GYPE: variants seen among roughly 807,000 people sequenced by gnomAD.
GYPE encodes the protein glycophorin-E.
GYPE carries 8 observed loss-of-function variants against 11.6 expected under a neutral mutation model. The observed-to-expected ratio is 0.69, with a 90% CI of 0.41 to 1.25. GYPE has a LOEUF of 1.25. Ranked by LOEUF, GYPE falls within the 50% of genes most tolerant of loss-of-function variation. The pLI, the probability that GYPE is intolerant of heterozygous loss-of-function variation, is 0.01. For missense variants in GYPE, 90 were observed against 92.8 expected (o/e 0.97, Z 0.12); for synonymous variants, 28 against 29.6 (o/e 0.94, Z 0.18).
chr4:143,903,372 T>C (rs1350276017), intron 1 of GYPE, among the ~76,000 whole-genome samples: 1 of 151,436 alleles, frequency 6.6e-6, no homozygotes, highest in African/African-American at 2.4e-5. Flanking sequence ...AATCATCAAA[T>C]GAGTGCAGGA....
intron 1 of GYPE, among the ~76,000 whole-genome samples, chr4:143,882,406 TAATA>T (rs1744075421): frequency 6.6e-6 from 1 of 152,166 alleles, no homozygotes; most frequent in Admixed American, 6.5e-5. Flanking sequence ...CCATCTCTCT[TAATA>T]AATGTTAGAT....
chr4:143,886,296 A>T (rs1229232101), intron 1 of GYPE, among the ~76,000 whole-genome samples: 1 of 148,960 alleles, frequency 6.7e-6, no homozygotes. Context: ...ATACCTTCAA[A>T]TTAAATAAAC....
chr4:143,873,199 A>G (rs1743676505), intron 3 of GYPE, among the ~76,000 whole-genome samples: 1 of 152,126 alleles, frequency 6.6e-6, no homozygotes, highest in Non-Finnish European at 1.5e-5. Flanking sequence ...ATATTCAGAG[A>G]TGGGGATACT....
At chr4:143,877,295 A>T (rs1743853246) in intron 2 of GYPE, among the ~76,000 whole-genome samples, 2 of 152,184 alleles carry the variant, frequency 1.3e-5, no homozygotes, top group African/African-American at 4.8e-5. Context: ...TTTGGAAAGA[A>T]ACTGGTATAA....
At chr4:143,878,466 T>C (rs1282335697) in intron 2 of GYPE, among the ~76,000 whole-genome samples, 2 of 152,210 alleles carry the variant, frequency 1.3e-5, no homozygotes, top group East Asian at 3.8e-4. Context: ...AAGAAATGCC[T>C]ATTTTAATTT....
At chr4:143,899,664 T>C (rs1409659988) in intron 1 of GYPE, among the ~76,000 whole-genome samples, 1 of 149,252 alleles carries the variant, frequency 6.7e-6, no homozygotes, top group African/African-American at 2.5e-5. Flanking sequence ...AATAAACTCA[T>C]ATATCCATGG....
chr4:143,872,819 A>T (rs149579711), intron 3 of GYPE, among the ~76,000 whole-genome samples: 3 of 152,220 alleles, frequency 2.0e-5, no homozygotes, highest in East Asian at 3.9e-4. Flanking sequence ...AAGCTTAGTA[A>T]GTTGGAGTTT....
At chr4:143,882,445 A>C (rs570594588) in intron 1 of GYPE, among the ~76,000 whole-genome samples, 1 of 152,354 alleles carries the variant, frequency 6.6e-6, no homozygotes, top group East Asian at 1.9e-4. Context: ...ATTTGTAGAT[A>C]ATGGAATATG....
rs533223453 is a variant in GYPE, at chr4:143,883,613, T to C, written c.38-3104A>G. 9.5e-4 allele frequency among the ~76,000 whole-genome samples: 138 copies of C among 145,836 alleles called. 3 individuals are homozygous for C. Among genetic ancestry groups the C allele is most frequent in the African/African-American group, 3.4e-3 (134 of 39,924 alleles). On this transcript the variant is annotated intron_variant, in intron 1 of 3. Transcript: ENST00000358615. Reference sequence around the variant, plus strand: ...TTAATAATTAATAATAACATGTAATTAATTATAAATTTATAATTAATAATA... The same window carrying C: ...TTAATAATTAATAATAACATGTAATCAATTATAAATTTATAATTAATAATA...
rs149246450 is a variant in GYPE, at chr4:143,879,074, G to T, written c.136+1337C>A. 2.8e-3 allele frequency among the ~76,000 whole-genome samples: 428 copies of T among 152,236 alleles called. 7 individuals carry two copies. Among genetic ancestry groups the T allele is most frequent in the African/African-American group, 9.8e-3 (407 of 41,528 alleles). On this transcript the variant is annotated intron_variant, in intron 2 of 3. Coordinates refer to ENST00000358615, the MANE Select transcript of GYPE (RefSeq NM_198682.3). Reference sequence around the variant, plus strand: ...ACAGATGCCAGTCCCATGCAAAGAGGGATCATGCGGCCATCAATTTTCCAG... The same window carrying T: ...ACAGATGCCAGTCCCATGCAAAGAGTGATCATGCGGCCATCAATTTTCCAG...
rs1365382450 is a variant in GYPE at position 143,870,871 on chromosome 4, TATAAAGGA to T, written c.*1383_*1390del. 204 of 152,280 alleles carry T rather than the reference TATAAAGGA, an allele frequency of 1.3e-3. 1 individual carries two copies. Among genetic ancestry groups the T allele is most frequent in the African/African-American group, 4.5e-3 (189 of 41,542 alleles). 9.4% of individuals were successfully genotyped at this position (152,280 alleles called of 1,614,324 possible). ...AAAAACTGCCCAAGACTGTGTAATT[TATAAAGGA>T]AAGAGGTTTTATTGATCTACAGTTT... is the stretch of plus-strand genomic sequence containing the variant. On this transcript the variant is annotated 3_prime_UTR_variant, in exon 4 of 4. Transcript: ENST00000358615.
intron 1 of GYPE, among the ~76,000 whole-genome samples, chr4:143,894,772 C>G (rs529690685): frequency 6.6e-6 from 1 of 152,004 alleles, no homozygotes. Flanking sequence ...CCTGGCAAAC[C>G]GAATCCAGCA....
At chr4:143,897,679 G>C (rs1744702630) in intron 1 of GYPE, among the ~76,000 whole-genome samples, 1 of 152,082 alleles carries the variant, frequency 6.6e-6, no homozygotes, top group Non-Finnish European at 1.5e-5. Flanking sequence ...GTGAATACCT[G>C]GCTGCCAGAT....
In GYPE at chr4:143,871,615, T is replaced by C. The variant is rs1222436434; in HGVS notation, c.*647A>G. 6.6e-6 allele frequency: 1 copy of C among 152,120 alleles called. No individual in the cohort carries two copies. The highest frequency in any genetic ancestry group is 1.5e-5 in the Non-Finnish European group (1 of 68,040). 9.4% of individuals were successfully genotyped at this position (152,120 alleles called of 1,614,324 possible). ...GGTAATGGGTAAATCCCACTTCACC[T>C]AATGAAGAAAAGGAGAAGGATGCAC... is the stretch of plus-strand genomic sequence containing the variant. On this transcript the variant is annotated 3_prime_UTR_variant, in exon 4 of 4. Transcript: ENST00000358615.
In GYPE at chr4:143,888,970, A is replaced by T. The variant is rs1444919525; in HGVS notation, c.38-8461T>A. On this transcript the variant is annotated intron_variant, in intron 1 of 3. Transcript: ENST00000358615. Reference sequence around the variant, plus strand: ...CCTATTCTCAATACTTTTTATTTGAACTCTTCAGCCAATGGCTCTGGAGAA... The same window carrying T: ...CCTATTCTCAATACTTTTTATTTGATCTCTTCAGCCAATGGCTCTGGAGAA... Among the ~76,000 whole-genome samples the T allele has an allele frequency of 2.3e-5, 3 of 130,708 alleles. No individual in the cohort carries two copies. In the East Asian group the frequency reaches 6.7e-4, roughly 29 times the overall value. 85.7% of individuals were successfully genotyped at this position (130,708 alleles called of 152,430 possible). A position where few individuals can be genotyped will look rare whatever the true frequency, so the allele number is the denominator to read the frequency against.
At chr4:143,890,081 A>G (rs1744345573) in intron 1 of GYPE, among the ~76,000 whole-genome samples, 1 of 152,336 alleles carries the variant, frequency 6.6e-6, no homozygotes, top group South Asian at 2.1e-4. Flanking sequence ...CACTTCAGCA[A>G]ATCAGGGCTA....
intron 2 of GYPE, chr4:143,878,559 C>G: frequency 2.3e-6 from 1 of 437,328 alleles, no homozygotes; most frequent in Non-Finnish European, 4.6e-6. Context: ...AAGATTGACA[C>G]ATTTTCTTAG....
At chr4:143,877,758 G>A (rs1479964038) in intron 2 of GYPE, among the ~76,000 whole-genome samples, 7 of 150,676 alleles carry the variant, frequency 4.6e-5, no homozygotes, top group Non-Finnish European at 1.0e-4. Flanking sequence ...TACCCTGTGA[G>A]CCATGGACAC....
chr4:143,884,048 T>G (rs1744156618), intron 1 of GYPE, among the ~76,000 whole-genome samples: 1 of 151,896 alleles, frequency 6.6e-6, no homozygotes, highest in Non-Finnish European at 1.5e-5. Flanking sequence ...CCTGCAAGAC[T>G]CTGCATGGTC....
Sources: allele counts gnomAD v4.1 joint callset (sites outside exome capture counted in the v4.1 genomes callset), GRCh38; gene constraint gnomAD v4.1.1; transcripts MANE v1.5; gene names NCBI Gene and HGNC (gene_info 2026-07-23, HGNC 2026-07-21).